The following CDH12 variants were observed in gnomAD, a reference collection of about 807,000 sequenced individuals.
CDH12 encodes the protein cadherin 12, also known as cadherin-12.
In CDH12, 41 loss-of-function variants were observed where a neutral mutation model predicts 74.1. The observed-to-expected ratio is 0.55, with a 90% confidence interval of 0.43 to 0.72. The LOEUF (loss-of-function observed/expected upper bound fraction) is 0.72. Ranked by LOEUF, CDH12 falls within the 30% of genes least tolerant of loss-of-function variation. The pLI is 0.00. For synonymous variants in CDH12, 399 were observed against 355.0 expected (o/e 1.12, Z -1.39); for missense variants, 945 against 977.2 (o/e 0.97, Z 0.44).
At chr5:22,668,313 C>CA (rs1267163646) in intron 1 of CDH12, among the ~76,000 whole-genome samples, 1 of 151,958 alleles carries the variant, frequency 6.6e-6, no homozygotes, top group East Asian at 1.9e-4. Flanking sequence ...TAATAAGTAA[C>CA]AAAAAAGCAC....
At chr5:22,234,724 T>G (rs1211963594) in intron 3 of CDH12, among the ~76,000 whole-genome samples, 7 of 151,792 alleles carry the variant, frequency 4.6e-5, no homozygotes, top group Non-Finnish European at 2.9e-5. Flanking sequence ...GTGTAGATAT[T>G]TATCTGTCTA....
chr5:21,802,843 C>A (rs371260339), intron 9 of CDH12, among the ~76,000 whole-genome samples: 1 of 151,988 alleles, frequency 6.6e-6, no homozygotes, highest in African/African-American at 2.4e-5. Context: ...CCACCCACCT[C>A]GGCCTCCCAA....
chr5:22,724,217 ATAT>A (rs1744044096), intron 1 of CDH12, among the ~76,000 whole-genome samples: 1 of 151,080 alleles, frequency 6.6e-6, no homozygotes, highest in Non-Finnish European at 1.5e-5. Context: ...TTTTTTAAAG[ATAT>A]TATTTTTAAT....
chr5:22,278,405 A>G (rs991171320), intron 3 of CDH12, among the ~76,000 whole-genome samples: 3 of 152,212 alleles, frequency 2.0e-5, no homozygotes, highest in African/African-American at 7.2e-5. Flanking sequence ...TAAATGAGAC[A>G]ACATAGACAG....
chr5:22,139,006 G>A (rs763341015), intron 4 of CDH12, among the ~76,000 whole-genome samples: 1 of 150,276 alleles, frequency 6.7e-6, no homozygotes, highest in African/African-American at 2.4e-5. Flanking sequence ...CAGGGAACCA[G>A]GTACTCCTAT....
At chr5:22,511,989 T>A (rs1361754730) in intron 1 of CDH12, among the ~76,000 whole-genome samples, 1 of 152,034 alleles carries the variant, frequency 6.6e-6, no homozygotes, top group African/African-American at 2.4e-5. Context: ...GGTTTGTGTG[T>A]GTTTGTTGAG....
chr5:22,770,967 G>C (rs1746774907), intron 1 of CDH12, among the ~76,000 whole-genome samples: 1 of 151,952 alleles, frequency 6.6e-6, no homozygotes, highest in Non-Finnish European at 1.5e-5. Context: ...TGCATACACT[G>C]TACCACGCTA....
chr5:22,387,833 G>A (rs1280325635), intron 3 of CDH12, among the ~76,000 whole-genome samples: 1 of 152,194 alleles, frequency 6.6e-6, no homozygotes, highest in South Asian at 2.1e-4. Context: ...GCCTATATCT[G>A]CTCCCAGAGC....
chr5:22,670,768 A>G (rs1219328171), intron 1 of CDH12, among the ~76,000 whole-genome samples: 1 of 152,048 alleles, frequency 6.6e-6, no homozygotes, highest in Admixed American at 6.6e-5. Context: ...CACTTTCCTC[A>G]GTAACGTAGG....
rs548498116 is a variant in CDH12 at position 22,463,583 on chromosome 5, T to C, written c.-428+41687A>G. ...CAAATAAAAGAGTAAATCTATAAAA[T>C]TAAATGAGGTATAAAGTTGGGGTCG... On this transcript the variant is annotated intron_variant, in intron 2 of 14. Transcript: ENST00000382254. Among the ~76,000 whole-genome samples, 5 of 152,194 alleles carry C rather than the reference T, an allele frequency of 3.3e-5. No individual in the cohort carries two copies. The South Asian group carries it at 1.0e-3, about 32-fold the overall frequency.
At chr5:22,712,869 C>G (rs969930147) in intron 1 of CDH12, among the ~76,000 whole-genome samples, 1 of 152,122 alleles carries the variant, frequency 6.6e-6, no homozygotes, top group Non-Finnish European at 1.5e-5. Context: ...CCATACAGAA[C>G]TTTGGAAGGA....
intron 4 of CDH12, among the ~76,000 whole-genome samples, chr5:22,128,907 A>C (rs1477683724): frequency 6.6e-6 from 1 of 152,200 alleles, no homozygotes; most frequent in Non-Finnish European, 1.5e-5. Context: ...TCTCCCTGTA[A>C]AGAGCTACAG....
At chr5:22,424,703 C>A (rs1743818641) in intron 2 of CDH12, among the ~76,000 whole-genome samples, 2 of 152,038 alleles carry the variant, frequency 1.3e-5, no homozygotes, top group African/African-American at 4.8e-5. Flanking sequence ...CATGAGATTC[C>A]TTCGTTTTGA....
At chr5:21,753,102 G>A (rs1435779052) in intron 14 of CDH12, among the ~76,000 whole-genome samples, 1 of 152,170 alleles carries the variant, frequency 6.6e-6, no homozygotes, top group African/African-American at 2.4e-5. Context: ...CGACGTCAGT[G>A]CTCAGCTTTT....
chr5:22,518,800 C>G (rs1443638063), intron 1 of CDH12, among the ~76,000 whole-genome samples: 1 of 152,166 alleles, frequency 6.6e-6, no homozygotes, highest in Non-Finnish European at 1.5e-5. Context: ...GTAAACACAG[C>G]TTAAAACTAA....
chr5:22,444,919 G>A (rs942236517), intron 2 of CDH12, among the ~76,000 whole-genome samples: 2 of 151,836 alleles, frequency 1.3e-5, no homozygotes, highest in Non-Finnish European at 2.9e-5. Context: ...AATATACCAT[G>A]TTCTCCAGAA....
At chr5:21,917,229 C>T (rs1048716449) in intron 6 of CDH12, among the ~76,000 whole-genome samples, 3 of 152,262 alleles carry the variant, frequency 2.0e-5, no homozygotes, top group African/African-American at 4.8e-5. Context: ...AGAGCTGGCA[C>T]GTGGCACCAA....
intron 1 of CDH12, among the ~76,000 whole-genome samples, chr5:22,841,234 A>G (rs759922261): frequency 2.6e-5 from 4 of 152,206 alleles, no homozygotes; most frequent in African/African-American, 4.8e-5. Flanking sequence ...GATCCTACAC[A>G]TACTGTGGAT....
At chr5:21,832,723 T>C (rs2149969238) in intron 8 of CDH12, among the ~76,000 whole-genome samples, 1 of 142,430 alleles carries the variant, frequency 7.0e-6, no homozygotes, top group East Asian at 2.0e-4. Context: ...GTAATGGAAA[T>C]GCTTATTATA....
Sources: allele counts gnomAD v4.1 joint callset (sites outside exome capture counted in the v4.1 genomes callset), GRCh38; gene constraint gnomAD v4.1.1; transcripts MANE v1.5; gene names NCBI Gene and HGNC (gene_info 2026-07-23, HGNC 2026-07-21).